The following CHD6 variants were observed in gnomAD, a reference collection of about 807,000 sequenced individuals.
The protein encoded by CHD6 is chromodomain helicase DNA binding protein 6, also known as ATP-dependent chromatin remodeler CHD6.
CHD6 carries 50 observed loss-of-function variants against 276.9 expected under a neutral mutation model. The observed-to-expected ratio is 0.18, with a 90% CI of 0.14 to 0.23. The LOEUF (loss-of-function observed/expected upper bound fraction) is 0.23, where lower values mean the gene tolerates loss of function less well. Ranked by LOEUF, CHD6 falls within the 10% of genes least tolerant of loss-of-function variation. CHD6 has a pLI of 1.00. For synonymous variants in CHD6, 1,173 were observed against 1,229.3 expected (o/e 0.95, Z 0.96); for missense variants, 2,564 against 3,365.8 (o/e 0.76, Z 5.89).
intron 5 of CHD6, among the ~76,000 whole-genome samples, chr20:41,500,192 G>C (rs930733603): frequency 6.6e-6 from 1 of 152,092 alleles, no homozygotes; most frequent in Non-Finnish European, 1.5e-5. Flanking sequence ...CATATGAAAA[G>C]AACACTCATC....
intron 1 of CHD6, among the ~76,000 whole-genome samples, 187 bp downstream of exon 1, chr20:41,618,134 CGCCGCCTGCCCTCCGCCAG>C (rs2045954190): frequency 6.7e-6 from 1 of 149,798 alleles, no homozygotes; most frequent in South Asian, 2.1e-4. Context: ...GGCCGCAGGC[CGCCGCCTGCCCTCCGCCAG>C]GCCGCCCGCC....
chr20:41,540,575 T>C (rs568844559), intron 2 of CHD6, among the ~76,000 whole-genome samples: 62 of 152,298 alleles, frequency 4.1e-4, no homozygotes, highest in African/African-American at 1.5e-3. Flanking sequence ...ACTGAGAGAT[T>C]ACATTTGACT....
chr20:41,550,743 T>C (rs943138630), intron 2 of CHD6, among the ~76,000 whole-genome samples: 1 of 152,192 alleles, frequency 6.6e-6, no homozygotes, highest in Non-Finnish European at 1.5e-5. Flanking sequence ...CCTTTGAATA[T>C]GTTATACTCA....
In CHD6 at chr20:41,428,132, A is replaced by G. The variant is rs554128248; in HGVS notation, c.4069-1979T>C. ...TCCACCTAGTAGTTTCTGTTGGTAC[A>G]GTTAGTAAACATGAATAGTTTTAGG... On this transcript the variant is annotated intron_variant, in intron 27 of 36. Coordinates refer to ENST00000373233, the MANE Select transcript of CHD6 (RefSeq NM_032221.5). 9.2e-5 allele frequency among the ~76,000 whole-genome samples: 14 copies of G among 152,320 alleles called. 1 individual carries two copies. The highest frequency in any genetic ancestry group is 2.9e-4 in the African/African-American group (12 of 41,578).
At chr20:41,555,193 C>T (rs538135185) in intron 1 of CHD6, among the ~76,000 whole-genome samples, 2,380 of 129,300 alleles carry the variant, frequency 0.018, 19 homozygotes, top group South Asian at 0.031. Context: ...CGGGCAGAGG[C>T]GCCCCTCACC....
chr20:41,512,710 A>G (rs953896798), intron 5 of CHD6, 136 bp downstream of exon 5: 2 of 936,906 alleles, frequency 2.1e-6, no homozygotes, highest in Non-Finnish European at 3.3e-6. Flanking sequence ...CCAATGCAAC[A>G]GGAAGTCAAT....
intron 1 of CHD6, among the ~76,000 whole-genome samples, chr20:41,611,047 C>G (rs967153079): frequency 6.6e-6 from 1 of 152,182 alleles, no homozygotes. Flanking sequence ...AGCTGCCTTG[C>G]TTTTTGTAAA....
rs944375010 is a variant in CHD6, at chr20:41,451,037, G to C, written c.3592C>G (p.Leu1198Val). 6.2e-7 allele frequency: 1 copy of C among 1,613,840 alleles called. No homozygotes were observed. Among genetic ancestry groups the C allele is most frequent in the African/African-American group, 1.3e-5 (1 of 74,922 alleles). The change falls in exon 23 of 37, where the codon CTA becomes GTA. Residue 1198 changes from leucine (L) to valine (V), a missense_variant. Coordinates refer to ENST00000373233, the MANE Select transcript of CHD6 (RefSeq NM_032221.5). ...KTKNQLLIPE[L>V]KDADWLATCN... ...GTGGCTAGCCAATCTGCATCCTTTA[G>C]CTCTGGGATTAGCAACTGGTTCTTC...
At chr20:41,516,067 T>C (rs1042625152) in intron 3 of CHD6, among the ~76,000 whole-genome samples, 1 of 152,228 alleles carries the variant, frequency 6.6e-6, no homozygotes, top group African/African-American at 2.4e-5. Context: ...TAACTAATGA[T>C]TGCAGCTAAT....
At chr20:41,599,849 C>G (rs1017066093) in intron 1 of CHD6, among the ~76,000 whole-genome samples, 3 of 152,212 alleles carry the variant, frequency 2.0e-5, no homozygotes, top group African/African-American at 7.2e-5. Flanking sequence ...CCTCTCCCTT[C>G]CCGCCTAATT....
chr20:41,609,855 CTTTTTTTTTTTTTTTT>C (rs369159347), intron 1 of CHD6, among the ~76,000 whole-genome samples: 4 of 128,226 alleles, frequency 3.1e-5, no homozygotes, highest in Non-Finnish European at 6.7e-5. Context: ...TTTCTTTTTT[CTTTTTTTTTTTTTTTT>C]TTTGAGATGG....
chr20:41,533,585 G>T lies in CHD6; in HGVS notation c.34-15C>A. The T allele has an allele frequency of 1.3e-6, 2 of 1,584,052 alleles. No homozygotes were observed. Among genetic ancestry groups the T allele is most frequent in the Non-Finnish European group, 1.7e-6 (2 of 1,171,216 alleles). ...AAATTTGACAACTGTAAAAGAAAGA[G>T]AAACAAGCATATTACCCTTCCAATT... On this transcript the variant is annotated splice_polypyrimidine_tract_variant and intron_variant, in intron 2 of 36. Coordinates refer to ENST00000373233, the MANE Select transcript of CHD6 (RefSeq NM_032221.5).
intron 1 of CHD6, among the ~76,000 whole-genome samples, chr20:41,605,763 T>C (rs1021507652): frequency 8.3e-6 from 1 of 120,882 alleles, no homozygotes; most frequent in Non-Finnish European, 1.6e-5. Flanking sequence ...ATTAGTAAAA[T>C]TGACAAAATT....
chr20:41,412,486 C>T (rs778094226), intron 35 of CHD6, among the ~76,000 whole-genome samples: 3 of 152,202 alleles, frequency 2.0e-5, no homozygotes, highest in Admixed American at 6.5e-5. Context: ...TGTGTGGGCA[C>T]CCCCGCCCTC....
In CHD6 at chr20:41,512,885, T is replaced by G. The variant is rs778038126; in HGVS notation, c.813A>C (p.Thr271=). Residue 271 remains threonine (T), a synonymous_variant, in exon 5 of 37, where the codon ACA becomes ACC. Coordinates refer to ENST00000373233, the MANE Select transcript of CHD6 (RefSeq NM_032221.5). Reference sequence around the variant, plus strand: ...CCAGTGTAGAGGCTGAGAGTGCAGATGTTCGACCAGCTCCAAGAACAGCAA... The same window carrying G: ...CCAGTGTAGAGGCTGAGAGTGCAGAGGTTCGACCAGCTCCAAGAACAGCAA... ...ETIAVLGAGR[T]SALSASTLAW... 4.3e-6 allele frequency: 7 copies of G among 1,614,104 alleles called. No homozygotes were observed. The highest frequency in any genetic ancestry group is 8.5e-7 in the Non-Finnish European group (1 of 1,179,968).
intron 8 of CHD6, among the ~76,000 whole-genome samples, chr20:41,494,146 C>T (rs2043621459): frequency 6.6e-6 from 1 of 152,180 alleles, no homozygotes; most frequent in Admixed American, 6.5e-5. Flanking sequence ...AGGATCTAAC[C>T]ATCTTAGTGG....
chr20:41,575,386 T>TA (rs1238485992), intron 1 of CHD6, among the ~76,000 whole-genome samples: 1 of 152,154 alleles, frequency 6.6e-6, no homozygotes, highest in Non-Finnish European at 1.5e-5. Flanking sequence ...AGATGGCCAG[T>TA]AAAAATATAT....
intron 1 of CHD6, among the ~76,000 whole-genome samples, chr20:41,589,569 CA>C (rs2045633575): frequency 6.6e-6 from 1 of 152,096 alleles, no homozygotes; most frequent in African/African-American, 2.4e-5. Context: ...TCTTATACAC[CA>C]ATAACAGGCA....
intron 22 of CHD6, 103 bp from the exon 23 acceptor site, chr20:41,451,208 G>T: frequency 9.6e-7 from 1 of 1,036,976 alleles, no homozygotes; most frequent in South Asian, 1.5e-5. Flanking sequence ...GAGTTGGGCT[G>T]TGCTCTGGAT....
Sources: gnomAD v4.1 joint callset for allele counts (sites outside exome capture counted in the v4.1 genomes callset) on GRCh38, gnomAD v4.1.1 for gene constraint, MANE v1.5 for transcripts, NCBI Gene and HGNC (gene_info 2026-07-23, HGNC 2026-07-21) for gene names.